The following BCO1 variants were observed in gnomAD, a reference collection of about 807,000 sequenced individuals.
The protein encoded by BCO1 is beta,beta-carotene 15,15'-dioxygenase.
In BCO1, 54 loss-of-function variants were observed where a neutral mutation model predicts 56.3. The ratio of observed to expected loss-of-function variants is 0.96; its 90% CI spans 0.77 to 1.20. The LOEUF is 1.20. Among genes scored for constraint, BCO1 ranks in the 50% most tolerant of loss-of-function variants. BCO1 has a pLI of 0.00. For synonymous variants in BCO1, 318 were observed against 266.1 expected, an observed-to-expected ratio of 1.20 and a Z score of -1.90; for missense variants, 801 against 690.9, an observed-to-expected ratio of 1.16 and a Z score of -1.79.
intron 2 of BCO1, among the ~76,000 whole-genome samples, chr16:81,256,290 G>A (rs1279363379): frequency 1.3e-5 from 2 of 152,054 alleles, no homozygotes; most frequent in African/African-American, 4.8e-5. Flanking sequence ...GATATCAAAA[G>A]GCACTGGGCG....
Position 81,290,591 on chromosome 16 carries a change from T to TGGGTA in BCO1, c.*18_*22dup, listed in dbSNP as rs1336908451. On this transcript the variant is annotated 3_prime_UTR_variant, in exon 11 of 11. Transcript: ENST00000258168. ...CCTCTGACCTGATGGTGTTGGGGTT[T>TGGGTA]GGGTAGGGGAGGGGAGCTCGGCTGT... The TGGGTA allele has an allele frequency of 6.2e-7, 1 of 1,604,430 alleles. No individual in the cohort carries two copies. The highest frequency in any genetic ancestry group is 8.5e-7 in the Non-Finnish European group (1 of 1,174,232).
chr16:81,281,435 G>C (rs1907876645), intron 8 of BCO1, among the ~76,000 whole-genome samples: 1 of 152,086 alleles, frequency 6.6e-6, no homozygotes, highest in Non-Finnish European at 1.5e-5. Flanking sequence ...AACAGAGCAA[G>C]ACACTGTCTC....
At chr16:81,250,063 T>G (rs1218119746) in intron 2 of BCO1, among the ~76,000 whole-genome samples, 1 of 152,186 alleles carries the variant, frequency 6.6e-6, no homozygotes, top group Non-Finnish European at 1.5e-5. Context: ...GAGGGTTTGC[T>G]GGGCCCTGCC....
chr16:81,261,259 A>T (rs1009605235), intron 3 of BCO1, among the ~76,000 whole-genome samples: 4 of 152,172 alleles, frequency 2.6e-5, no homozygotes, highest in African/African-American at 9.7e-5. Flanking sequence ...GCACTCCCCA[A>T]TACACCGATA....
rs569702266 is a variant in BCO1, at chr16:81,262,287, T to C, written c.471+4T>C. 1.5e-4 allele frequency: 240 copies of C among 1,611,744 alleles called. 4 individuals are homozygous for C. In the South Asian group the frequency reaches 2.4e-3, roughly 16 times the overall value. ...GACTCTGGAAACCCTGGAGAAGGTA[T>C]CAACACATATGTAACCAGCATCACT... On this transcript the variant is annotated splice_donor_region_variant and intron_variant, in intron 4 of 10. Coordinates refer to ENST00000258168, the MANE Select transcript of BCO1 (RefSeq NM_017429.3).
chr16:81,268,324 C>A (rs538784047), intron 6 of BCO1, among the ~76,000 whole-genome samples, 193 bp downstream of exon 6: 1 of 152,170 alleles, frequency 6.6e-6, no homozygotes, highest in African/African-American at 2.4e-5. Flanking sequence ...TTTGTACCCC[C>A]ACGGTGATGA....
chr16:81,286,871 G>A (rs1295283893), intron 9 of BCO1, among the ~76,000 whole-genome samples: 1 of 151,430 alleles, frequency 6.6e-6, no homozygotes, highest in East Asian at 2.0e-4. Context: ...GAGGTCAGGA[G>A]TTCAAGACCA....
chr16:81,290,012 C>T (rs1908375281), intron 10 of BCO1, among the ~76,000 whole-genome samples: 1 of 152,214 alleles, frequency 6.6e-6, no homozygotes, highest in African/African-American at 2.4e-5. Flanking sequence ...TACAAGCACC[C>T]ACCACCACAC....
chr16:81,261,696 G>A (rs541095153), intron 3 of BCO1, among the ~76,000 whole-genome samples: 3 of 152,088 alleles, frequency 2.0e-5, no homozygotes, highest in Non-Finnish European at 4.4e-5. Context: ...TTCCTCAGGT[G>A]ACCCATTGGG....
rs1906941832 is a variant in BCO1 at position 81,268,040 on chromosome 16, A to G, written c.752A>G (p.Gln251Arg). ...VTENYVIFLEQPFRLDILKMA... is the reference protein window; with the variant it reads ...VTENYVIFLERPFRLDILKMA... ...GAGAACTATGTCATCTTCCTTGAGC[A>G]GCCTTTCAGGTTGGATATTCTCAAG... The change falls in exon 6 of 11, where the codon CAG becomes CGG. Residue 251 changes from glutamine to arginine, a missense_variant. Physicochemically the swap from Gln to Arg is conservative, Grantham distance 43. Coordinates refer to ENST00000258168, the MANE Select transcript of BCO1 (RefSeq NM_017429.3). The G allele has an allele frequency of 6.2e-7, 1 of 1,613,604 alleles. No individual in the cohort carries two copies. The highest frequency in any genetic ancestry group is 8.5e-7 in the Non-Finnish European group (1 of 1,179,990).
intron 3 of BCO1, among the ~76,000 whole-genome samples, chr16:81,261,503 T>C (rs1906479095): frequency 6.6e-6 from 1 of 152,212 alleles, no homozygotes; most frequent in Non-Finnish European, 1.5e-5. Context: ...TACGGGTTCA[T>C]ATACGATTTC....
intron 5 of BCO1, among the ~76,000 whole-genome samples, chr16:81,265,918 A>T (rs1009254492): frequency 6.7e-6 from 1 of 149,466 alleles, no homozygotes; most frequent in Non-Finnish European, 1.5e-5. Flanking sequence ...TCCATCTACC[A>T]TGTGCATCTA....
In BCO1 at chr16:81,262,165, C is replaced by G; in HGVS notation, c.353C>G (p.Pro118Arg). 1 of 1,614,048 alleles carries G rather than the reference C, an allele frequency of 6.2e-7. No individual in the cohort carries two copies. Among genetic ancestry groups the G allele is most frequent in the Non-Finnish European group, 8.5e-7 (1 of 1,180,006 alleles). Residue 118 changes from proline to arginine, a missense_variant, in exon 4 of 11, where the codon CCC (proline) becomes CGC (arginine). Transcript: ENST00000258168. ...TTCTCCTACTTGTCTCACACCATCC[C>G]CGATTTCACCGACAACTGCCTGATC... The part of the protein sequence containing the change: ...KAFSYLSHTI[P>R]DFTDNCLINI...
intron 7 of BCO1, among the ~76,000 whole-genome samples, chr16:81,271,995 C>G (rs922471115): frequency 3.9e-5 from 6 of 152,166 alleles, no homozygotes; most frequent in African/African-American, 7.2e-5. Flanking sequence ...AATCTGCCCC[C>G]CTACGTCTCC....
chr16:81,269,073 T>A (rs74880904), intron 6 of BCO1, among the ~76,000 whole-genome samples: 42 of 143,714 alleles, frequency 2.9e-4, no homozygotes, highest in East Asian at 1.6e-3. Flanking sequence ...GTCTTTTTTT[T>A]TTTTTTTTTT....
In BCO1 at chr16:81,252,764, G is replaced by A. The variant is rs992316307; in HGVS notation, c.194-6912G>A. ...GCCTTGCTCACCCACAGATGAGTCC[G>A]CCTGCCACCCGGATTTTCTTGGACA... On this transcript the variant is annotated intron_variant, in intron 2 of 10. Transcript: ENST00000258168. 9.2e-5 allele frequency among the ~76,000 whole-genome samples: 14 copies of A among 152,298 alleles called. 1 individual carries two copies. Among genetic ancestry groups the A allele is most frequent in the Middle Eastern group, 6.8e-3 (2 of 294 alleles).
chr16:81,281,549 A>G (rs1003368164), intron 8 of BCO1, among the ~76,000 whole-genome samples: 1 of 152,218 alleles, frequency 6.6e-6, no homozygotes, highest in Non-Finnish European at 1.5e-5. Flanking sequence ...AACAGGCACA[A>G]TACATTTCCA....
intron 7 of BCO1, among the ~76,000 whole-genome samples, chr16:81,277,065 CAAAAAAAA>C (rs34671497): frequency 2.1e-5 from 2 of 95,376 alleles, no homozygotes; most frequent in Non-Finnish European, 4.2e-5. Flanking sequence ...GACTCGGTCT[CAAAAAAAA>C]AAAAAAAAAA....
intron 1 of BCO1, among the ~76,000 whole-genome samples, chr16:81,239,487 G>C (rs1905019890): frequency 6.6e-6 from 1 of 152,192 alleles, no homozygotes; most frequent in South Asian, 2.1e-4. Context: ...AGGAGAGTCA[G>C]TCTCACTGTT....
Sources: allele counts gnomAD v4.1 joint callset (sites outside exome capture counted in the v4.1 genomes callset), GRCh38; gene constraint gnomAD v4.1.1; transcripts MANE v1.5; gene names NCBI Gene and HGNC (gene_info 2026-07-23, HGNC 2026-07-21).